The following TMEM132D variants were observed in gnomAD, a reference collection of about 807,000 sequenced individuals.
The protein encoded by TMEM132D is mature OL transmembrane protein.
A neutral mutation model predicts 62.3 loss-of-function variants in TMEM132D; 21 were observed. That is an observed-to-expected ratio of 0.34 (90% CI 0.24 to 0.49). TMEM132D has a LOEUF of 0.49. Ranked by LOEUF, TMEM132D falls within the 20% of genes least tolerant of loss-of-function variation. The probability of loss-of-function intolerance (pLI) is 0.99; values close to 1 mark genes in which losing one functional copy is unlikely to be tolerated. For synonymous variants in TMEM132D, 621 were observed against 575.6 expected (o/e 1.08, Z -1.13); for missense variants, 1,346 against 1,402.8 (o/e 0.96, Z 0.65).
chr12:129,520,859 A>G (rs1039150003), intron 3 of TMEM132D, among the ~76,000 whole-genome samples: 1 of 152,184 alleles, frequency 6.6e-6, no homozygotes, highest in Non-Finnish European at 1.5e-5. Context: ...ATCTGCTATA[A>G]TAAGGACCTA....
intron 1 of TMEM132D, among the ~76,000 whole-genome samples, chr12:129,770,039 C>T (rs544705011): frequency 5.6e-4 from 84 of 151,242 alleles, no homozygotes; most frequent in Admixed American, 1.1e-3. Context: ...AAGCTGGTCT[C>T]GAACTCCTGG....
intron 1 of TMEM132D, among the ~76,000 whole-genome samples, chr12:129,769,624 TA>T (rs200040553): frequency 0.012 from 1,874 of 152,196 alleles, 21 homozygotes; most frequent in Non-Finnish European, 0.022. Flanking sequence ...AAGAGACGGA[TA>T]AAAGCCCCCT....
chr12:129,271,025 C>A (rs1880839253), intron 4 of TMEM132D, among the ~76,000 whole-genome samples: 1 of 152,116 alleles, frequency 6.6e-6, no homozygotes, highest in Non-Finnish European at 1.5e-5. Flanking sequence ...TTGTTAGGAG[C>A]AGAGTAACAT....
At chr12:129,464,482 C>T (rs1343903607) in intron 3 of TMEM132D, among the ~76,000 whole-genome samples, 1 of 152,132 alleles carries the variant, frequency 6.6e-6, no homozygotes, top group African/African-American at 2.4e-5. Flanking sequence ...TTTATTAGAT[C>T]CCATTTGTCA....
At chr12:129,290,322 T>C (rs764146036) in intron 4 of TMEM132D, among the ~76,000 whole-genome samples, 1 of 152,160 alleles carries the variant, frequency 6.6e-6, no homozygotes, top group Admixed American at 6.5e-5. Context: ...CCACCTAGAC[T>C]CAACTTTACG....
intron 1 of TMEM132D, among the ~76,000 whole-genome samples, chr12:129,805,074 C>G (rs997770553): frequency 6.7e-6 from 1 of 149,188 alleles, no homozygotes; most frequent in Non-Finnish European, 1.5e-5. Context: ...ATTCCATGCT[C>G]ATGGGTAGGA....
intron 2 of TMEM132D, among the ~76,000 whole-genome samples, chr12:129,621,269 C>T (rs1361680253): frequency 6.6e-6 from 1 of 152,152 alleles, no homozygotes; most frequent in Non-Finnish European, 1.5e-5. Context: ...CTCTCCCTTC[C>T]AGCTCTCTGT....
intron 5 of TMEM132D, chr12:129,170,009 C>T (rs987432947): frequency 6.6e-6 from 1 of 152,246 alleles, no homozygotes; most frequent in Admixed American, 6.5e-5. Flanking sequence ...CTCACGCTTG[C>T]TGTGGTTCTG....
intron 1 of TMEM132D, among the ~76,000 whole-genome samples, chr12:129,707,944 C>T (rs588761): frequency 0.035 from 5,388 of 152,176 alleles, 263 homozygotes; most frequent in African/African-American, 0.099. Context: ...GGGCCAGGCG[C>T]GGTGGTTCAC....
intron 3 of TMEM132D, among the ~76,000 whole-genome samples, chr12:129,425,815 T>G (rs974099259): frequency 2.0e-5 from 3 of 152,232 alleles, no homozygotes; most frequent in African/African-American, 7.2e-5. Context: ...GATAATCGTC[T>G]CTAGTCTACA....
At chr12:129,412,422 T>TG (rs1468508008) in intron 3 of TMEM132D, among the ~76,000 whole-genome samples, 1 of 152,320 alleles carries the variant, frequency 6.6e-6, no homozygotes, top group East Asian at 1.9e-4. Context: ...CTCTTTATGA[T>TG]GGGGGGTGGG....
chr12:129,743,837 GA>G (rs1279015452), intron 1 of TMEM132D, among the ~76,000 whole-genome samples: 1 of 152,164 alleles, frequency 6.6e-6, no homozygotes, highest in East Asian at 1.9e-4. Context: ...CTTGGAACAG[GA>G]GCAGCCTCTA....
intron 1 of TMEM132D, among the ~76,000 whole-genome samples, chr12:129,891,302 C>T (rs528104731): frequency 6.6e-6 from 1 of 152,296 alleles, no homozygotes; most frequent in East Asian, 1.9e-4. Context: ...ACTCTAATCC[C>T]TCACCCCTCA....
chr12:129,863,798 G>T (rs1193807426), intron 1 of TMEM132D, among the ~76,000 whole-genome samples: 1 of 151,994 alleles, frequency 6.6e-6, no homozygotes, highest in African/African-American at 2.4e-5. Context: ...TTTTTGGGGG[G>T]GGCAGGGGAG....
intron 4 of TMEM132D, among the ~76,000 whole-genome samples, chr12:129,297,201 G>T (rs905402764): frequency 6.6e-6 from 1 of 152,188 alleles, no homozygotes; most frequent in Non-Finnish European, 1.5e-5. Context: ...TGGAAAAACT[G>T]GCTGAAGGTC....
At chr12:129,153,028 C>T (rs1342671204) in intron 5 of TMEM132D, among the ~76,000 whole-genome samples, 1 of 152,202 alleles carries the variant, frequency 6.6e-6, no homozygotes, top group African/African-American at 2.4e-5. Context: ...CTCCCTTTGT[C>T]TTTGCAGCCT....
chr12:129,866,255 A>T (rs1874056472), intron 1 of TMEM132D, among the ~76,000 whole-genome samples: 1 of 152,318 alleles, frequency 6.6e-6, no homozygotes. Flanking sequence ...ATGGAATACT[A>T]TGCAGCCATA....
At chr12:129,634,786 AT>A (rs986752963) in intron 2 of TMEM132D, among the ~76,000 whole-genome samples, 1 of 152,086 alleles carries the variant, frequency 6.6e-6, no homozygotes, top group Non-Finnish European at 1.5e-5. Flanking sequence ...CTCTGCACTA[AT>A]TTTTTTAAAA....
chr12:129,801,008 G>A (rs557681355), intron 1 of TMEM132D, among the ~76,000 whole-genome samples: 29 of 151,168 alleles, frequency 1.9e-4, no homozygotes, highest in East Asian at 1.2e-3. Flanking sequence ...CTTTTCTGAC[G>A]GGCTTAAAAA....
Sources: allele counts gnomAD v4.1 joint callset (sites outside exome capture counted in the v4.1 genomes callset), GRCh38; gene constraint gnomAD v4.1.1; transcripts MANE v1.5; gene names NCBI Gene and HGNC (gene_info 2026-07-23, HGNC 2026-07-21).